DGKI: variants seen among roughly 807,000 people sequenced by gnomAD.
The protein encoded by DGKI is diacylglycerol kinase iota.
A neutral mutation model predicts 147.5 loss-of-function variants in DGKI; 55 were observed. The ratio of observed to expected loss-of-function variants is 0.37; its 90% CI spans 0.30 to 0.47. The LOEUF is 0.47. DGKI is among the 20% of genes least tolerant of loss of function. The pLI, the probability that DGKI is intolerant of heterozygous loss-of-function variation, is 1.00. For synonymous variants in DGKI, 469 were observed against 477.1 expected, an observed-to-expected ratio of 0.98 and a Z score of 0.22; for missense variants, 1,007 against 1,323.8, an observed-to-expected ratio of 0.76 and a Z score of 3.71.
Position 137,385,488 on chromosome 7 carries a change from T to C in DGKI, c.*5732A>G, listed in dbSNP as rs1391043610. ...CTCAGAGTGGTCAGGTATCCTCTGTTTAAATGCTAACAGAGGCTGAAAGTT... is the reference window on the plus strand; with the variant it reads ...CTCAGAGTGGTCAGGTATCCTCTGTCTAAATGCTAACAGAGGCTGAAAGTT... On this transcript the variant is annotated 3_prime_UTR_variant, in exon 33 of 33. Transcript: ENST00000614521. 6.6e-6 allele frequency: 1 copy of C among 152,074 alleles called. No homozygotes were observed. Among genetic ancestry groups the C allele is most frequent in the Non-Finnish European group, 1.5e-5 (1 of 67,984 alleles). 9.4% of individuals were successfully genotyped at this position (152,074 alleles called of 1,614,324 possible).
Position 137,397,419 on chromosome 7 carries a change from T to G in DGKI, c.2921-6A>C, listed in dbSNP as rs1351890352. The G allele has an allele frequency of 6.2e-7, 1 of 1,611,772 alleles. No homozygotes were observed. Among genetic ancestry groups the G allele is most frequent in the Admixed American group, 1.7e-5 (1 of 59,768 alleles). On this transcript the variant is annotated splice_region_variant and splice_polypyrimidine_tract_variant and intron_variant, in intron 30 of 32. Coordinates refer to ENST00000614521, the MANE Select transcript of DGKI (RefSeq NM_001321708.2). ...ATCCAATAACTCGGAAGGTCCTAAA[T>G]AAGAAGAAAGCAAGATGACCGTCAA...
chr7:137,691,466 G>A (rs1367079146), intron 1 of DGKI, among the ~76,000 whole-genome samples: 1 of 152,144 alleles, frequency 6.6e-6, no homozygotes, highest in African/African-American at 2.4e-5. Context: ...ACAGTGGAAT[G>A]GAGAAAAGGA....
chr7:137,549,631 C>T (rs1817979844), intron 20 of DGKI, among the ~76,000 whole-genome samples: 3 of 152,320 alleles, frequency 2.0e-5, no homozygotes, highest in African/African-American at 7.2e-5. Flanking sequence ...TCTCTTTCTT[C>T]ATTGTTTCAA....
At chr7:137,802,756 C>T (rs367592462) in intron 1 of DGKI, among the ~76,000 whole-genome samples, 35 of 152,292 alleles carry the variant, frequency 2.3e-4, no homozygotes, top group African/African-American at 8.2e-4. Flanking sequence ...GAACTTCTTC[C>T]CTTGCTGGGA....
intron 1 of DGKI, among the ~76,000 whole-genome samples, chr7:137,745,047 C>T (rs1009607351): frequency 4.6e-5 from 7 of 152,048 alleles, no homozygotes; most frequent in Non-Finnish European, 7.4e-5. Flanking sequence ...CTCAGCATCA[C>T]GCAATATACC....
At chr7:137,515,719 G>T (rs1291714023) in intron 21 of DGKI, among the ~76,000 whole-genome samples, 1 of 152,038 alleles carries the variant, frequency 6.6e-6, no homozygotes, top group African/African-American at 2.4e-5. Context: ...TGTGAAATGG[G>T]AATAACAGTA....
chr7:137,699,757 A>G (rs1457430230), intron 1 of DGKI, among the ~76,000 whole-genome samples: 1 of 152,112 alleles, frequency 6.6e-6, no homozygotes, highest in African/African-American at 2.4e-5. Flanking sequence ...CCCACTCCCC[A>G]TTTCGATGCT....
chr7:137,679,070 G>A (rs887394566), intron 2 of DGKI, among the ~76,000 whole-genome samples: 6 of 152,174 alleles, frequency 3.9e-5, no homozygotes, highest in African/African-American at 1.4e-4. Context: ...AGCTAAAAAG[G>A]AGGATGGTAG....
intron 1 of DGKI, among the ~76,000 whole-genome samples, chr7:137,701,460 G>T (rs529712246): frequency 2.6e-5 from 4 of 152,060 alleles, no homozygotes; most frequent in African/African-American, 9.7e-5. Flanking sequence ...CAACTAATCT[G>T]CAAAAATCAA....
At chr7:137,725,152 C>G (rs577544131) in intron 1 of DGKI, among the ~76,000 whole-genome samples, 2 of 151,996 alleles carry the variant, frequency 1.3e-5, no homozygotes, top group African/African-American at 4.8e-5. Flanking sequence ...TCTTTAATAC[C>G]ACTCCCTCCC....
intron 29 of DGKI, among the ~76,000 whole-genome samples, chr7:137,409,387 G>A (rs1427927203): frequency 6.6e-6 from 1 of 152,172 alleles, no homozygotes; most frequent in Non-Finnish European, 1.5e-5. Context: ...CCATGGTGGA[G>A]ACGGATAGGT....
chr7:137,832,286 C>G (rs1338580136), intron 1 of DGKI, among the ~76,000 whole-genome samples: 1 of 152,358 alleles, frequency 6.6e-6, no homozygotes, highest in South Asian at 2.1e-4. Flanking sequence ...TTCTGCACTG[C>G]CCTAGCAGAG....
At chr7:137,627,135 A>G (rs1215349729) in intron 6 of DGKI, among the ~76,000 whole-genome samples, 2 of 152,186 alleles carry the variant, frequency 1.3e-5, no homozygotes, top group Admixed American at 1.3e-4. Flanking sequence ...CATACCATCT[A>G]GAAACCTACC....
intron 1 of DGKI, among the ~76,000 whole-genome samples, chr7:137,691,802 T>TC (rs1196720785): frequency 8.2e-6 from 1 of 122,250 alleles, no homozygotes; most frequent in Non-Finnish European, 1.5e-5. Context: ...CTTTGGGTTT[T>TC]TTTTTTTTTT....
At chr7:137,620,923 G>A (rs769303863) in intron 7 of DGKI, among the ~76,000 whole-genome samples, 5 of 152,084 alleles carry the variant, frequency 3.3e-5, no homozygotes, top group Non-Finnish European at 5.9e-5. Context: ...TATACTTCAC[G>A]TAACTATATT....
chr7:137,793,236 AG>A (rs1796916174), intron 1 of DGKI, among the ~76,000 whole-genome samples: 1 of 151,990 alleles, frequency 6.6e-6, no homozygotes. Flanking sequence ...AACGAAAAAA[AG>A]CCCTAGTTAG....
At chr7:137,418,293 G>T (rs1812433833) in intron 28 of DGKI, among the ~76,000 whole-genome samples, 1 of 152,152 alleles carries the variant, frequency 6.6e-6, no homozygotes. Flanking sequence ...GCTCTGCCTT[G>T]CAAATAAGCT....
intron 2 of DGKI, among the ~76,000 whole-genome samples, chr7:137,689,175 C>T (rs1198069651): frequency 6.6e-6 from 1 of 152,172 alleles, no homozygotes; most frequent in Non-Finnish European, 1.5e-5. Flanking sequence ...TCAGGGAAGG[C>T]TGGCAGAACT....
chr7:137,576,775 A>G (rs193064718), intron 17 of DGKI, among the ~76,000 whole-genome samples: 81 of 152,334 alleles, frequency 5.3e-4, no homozygotes, highest in Admixed American at 5.3e-3. Context: ...ATCCTGGAAT[A>G]AATATCCTCC....
Sources: gnomAD v4.1 joint callset for allele counts (sites outside exome capture counted in the v4.1 genomes callset) on GRCh38, gnomAD v4.1.1 for gene constraint, MANE v1.5 for transcripts, NCBI Gene and HGNC (gene_info 2026-07-23, HGNC 2026-07-21) for gene names.